Variants in MAP1B observed in about 807,000 individuals in gnomAD.
MAP1B encodes microtubule-associated protein 1B.
Under a neutral mutation model 176.1 loss-of-function variants are expected in MAP1B, and 12 were observed. The observed-to-expected ratio is 0.07, with a 90% CI of 0.04 to 0.11. The LOEUF (loss-of-function observed/expected upper bound fraction) is 0.11, where lower values mean the gene tolerates loss of function less well. Ranked by LOEUF, MAP1B falls within the 10% of genes least tolerant of loss-of-function variation. The probability of loss-of-function intolerance (pLI) is 1.00; values close to 1 mark genes in which losing one functional copy is unlikely to be tolerated. For missense variants in MAP1B, 2,523 were observed against 2,990.5 expected, an observed-to-expected ratio of 0.84 and a Z score of 3.65; for synonymous variants, 1,044 against 1,135.0, an observed-to-expected ratio of 0.92 and a Z score of 1.61.
At chr5:72,179,678 G>A in intron 2 of MAP1B, 1 of 985,434 alleles carries the variant, frequency 1.0e-6, no homozygotes, top group Non-Finnish European at 1.2e-6. Context: ...GAAAGAATCT[G>A]GCCAACAGTC....
At chr5:72,166,502 C>A (rs1211657669) in intron 2 of MAP1B, among the ~76,000 whole-genome samples, 1 of 152,188 alleles carries the variant, frequency 6.6e-6, no homozygotes, top group Non-Finnish European at 1.5e-5. Context: ...CAGCAGTGTT[C>A]ACTCCCTAGA....
rs1207835109 is a variant in MAP1B at position 72,107,512 on chromosome 5, G to T, written c.-20G>T. On this transcript the variant is annotated 5_prime_UTR_variant, in exon 1 of 7. Coordinates refer to ENST00000296755, the MANE Select transcript of MAP1B (RefSeq NM_005909.5). ...AGCGGCCGGAGCGAGACACTTCGCC[G>T]AGGCACAGCAGCCGGCAGGATGGCG... 28 of 1,541,750 alleles carry T rather than the reference G, an allele frequency of 1.8e-5. No individual in the cohort carries two copies. Among genetic ancestry groups the T allele is most frequent in the Non-Finnish European group, 2.4e-5 (28 of 1,146,724 alleles).
chr5:72,186,518 A>T lies in MAP1B; in HGVS notation c.370-96A>T. The T allele has an allele frequency of 6.9e-7, 1 of 1,453,126 alleles. No homozygotes were observed. The highest frequency in any genetic ancestry group is 2.3e-5 in the East Asian group (1 of 43,686). The allele number at this position is 1,453,126 out of a possible 1,614,324, so 90.0% of individuals were successfully genotyped here. A position where few individuals can be genotyped will look rare whatever the true frequency, so the allele number is the denominator to read the frequency against. ...TGGGGAATGAATGCTTTTTGCTGGT[A>T]ATAAACTCCCATGGCTCCGAAGGCT... On this transcript the variant is annotated intron_variant, in intron 3 of 6. Transcript: ENST00000296755. This position sits in a 1 kb window ranked among gnomAD's most constrained non-coding sequence, Gnocchi z 4.3.
chr5:72,120,773 C>G, intron 2 of MAP1B, among the ~76,000 whole-genome samples: 1 of 152,148 alleles, frequency 6.6e-6, no homozygotes, highest in Non-Finnish European at 1.5e-5. Context: ...GTGTGTAAAG[C>G]TCTTAAGACA....
At position 72,196,586 on chromosome 5, in the gene MAP1B, T is replaced by C. The variant is rs1747175971; in HGVS notation, c.3231T>C (p.Pro1077=). The C allele has an allele frequency of 6.2e-7, 1 of 1,613,788 alleles. No homozygotes were observed. Among genetic ancestry groups the C allele is most frequent in the African/African-American group, 1.3e-5 (1 of 74,934 alleles). ...CCAAGCAACTAGGAGCCCAGTCTCCTGGCCGAGAACCTGCATCTTCAATTC... is the reference window on the plus strand; with the variant it reads ...CCAAGCAACTAGGAGCCCAGTCTCCCGGCCGAGAACCTGCATCTTCAATTC... ...TPTKQLGAQS[P]GREPASSIHD... Residue 1077 remains proline (P), a synonymous_variant, in exon 5 of 7, where the codon CCT becomes CCC. Coordinates refer to ENST00000296755, the MANE Select transcript of MAP1B (RefSeq NM_005909.5). The surrounding 1 kb of genome is among the most constrained non-coding windows in gnomAD (Gnocchi z 5.3).
intron 2 of MAP1B, chr5:72,179,813 A>G (rs1746729598): frequency 3.0e-6 from 3 of 985,500 alleles, no homozygotes; most frequent in Non-Finnish European, 3.6e-6. Flanking sequence ...CGTCTGTGCC[A>G]TTCCTCTCAA....
intron 2 of MAP1B, among the ~76,000 whole-genome samples, chr5:72,161,956 CAAAAAAA>C (rs4043357): frequency 4.2e-4 from 36 of 85,000 alleles, no homozygotes; most frequent in Admixed American, 2.2e-3. Flanking sequence ...AATTCCGTCT[CAAAAAAA>C]AAAAAAAAAA....
chr5:72,138,804 G>A (rs1013326462), intron 2 of MAP1B, among the ~76,000 whole-genome samples: 2 of 152,126 alleles, frequency 1.3e-5, no homozygotes, highest in Admixed American at 6.5e-5. Flanking sequence ...AATAATTTTT[G>A]TCTTTTCCTT....
chr5:72,170,503 GT>G (rs1395178138), intron 2 of MAP1B, among the ~76,000 whole-genome samples: 1 of 152,074 alleles, frequency 6.6e-6, no homozygotes, highest in Non-Finnish European at 1.5e-5. Flanking sequence ...GTGGTGAAAG[GT>G]TTAGTTGGAG....
intron 2 of MAP1B, among the ~76,000 whole-genome samples, chr5:72,139,542 C>T (rs1055342112): frequency 6.6e-6 from 1 of 152,140 alleles, no homozygotes; most frequent in Non-Finnish European, 1.5e-5. Flanking sequence ...CAGATTGAGG[C>T]TCCTTTTGGG....
chr5:72,110,027 C>T (rs1445813054), intron 1 of MAP1B, among the ~76,000 whole-genome samples: 1 of 152,192 alleles, frequency 6.6e-6, no homozygotes, highest in African/African-American at 2.4e-5. Context: ...TTTTACACTA[C>T]TAGCACTTAG....
At chr5:72,146,222 A>G (rs1247011714) in intron 2 of MAP1B, among the ~76,000 whole-genome samples, 3 of 152,344 alleles carry the variant, frequency 2.0e-5, no homozygotes, top group East Asian at 1.9e-4. Context: ...AATCTGAACA[A>G]TGCCCCAGGG....
At chr5:72,127,370 C>T (rs1163988380) in intron 2 of MAP1B, among the ~76,000 whole-genome samples, 1 of 152,096 alleles carries the variant, frequency 6.6e-6, no homozygotes, top group East Asian at 1.9e-4. Context: ...CATGATTATC[C>T]AGAAGGAAAA....
chr5:72,195,033 G>C lies in MAP1B; in HGVS notation c.1678G>C (p.Glu560Gln). Residue 560 changes from glutamate (E) to glutamine (Q), a missense_variant, in exon 5 of 7, where the codon GAG (glutamate) becomes CAG (glutamine). Transcript: ENST00000296755. ...ACTTCCTAGCAAATCCGTGCGCAAG[G>C]AGTCAAAAGAAGAAACCCCTGAGGT... Reference protein sequence around the residue: ...KPLPSKSVRKESKEETPEVTK... With the variant: ...KPLPSKSVRKQSKEETPEVTK... 2 of 1,614,072 alleles carry C rather than the reference G, an allele frequency of 1.2e-6. No individual in the cohort carries two copies. The highest frequency in any genetic ancestry group is 1.1e-5 in the South Asian group (1 of 91,070).
At chr5:72,121,720 C>CT (rs1367810034) in intron 2 of MAP1B, among the ~76,000 whole-genome samples, 1 of 152,192 alleles carries the variant, frequency 6.6e-6, no homozygotes, top group East Asian at 1.9e-4. Flanking sequence ...TTTAAGCCAT[C>CT]TTTCTCTGTC....
intron 2 of MAP1B, among the ~76,000 whole-genome samples, chr5:72,157,534 A>T (rs562687593): frequency 5.9e-5 from 9 of 152,332 alleles, no homozygotes; most frequent in Admixed American, 5.2e-4. Flanking sequence ...ACAGGGAGCC[A>T]TGGGCTTCCC....
intron 2 of MAP1B, among the ~76,000 whole-genome samples, chr5:72,148,605 C>T (rs1030713603): frequency 1.3e-5 from 2 of 152,230 alleles, no homozygotes; most frequent in African/African-American, 4.8e-5. Flanking sequence ...GATGATTCTT[C>T]TGTTCATCAG....
At chr5:72,140,398 G>A (rs902440310) in intron 2 of MAP1B, among the ~76,000 whole-genome samples, 3 of 152,160 alleles carry the variant, frequency 2.0e-5, no homozygotes, top group African/African-American at 7.2e-5. Flanking sequence ...TTTCTAGTCT[G>A]TTTTATTCTA....
chr5:72,146,353 G>A (rs1049511686), intron 2 of MAP1B, among the ~76,000 whole-genome samples: 1 of 152,218 alleles, frequency 6.6e-6, no homozygotes, highest in Non-Finnish European at 1.5e-5. Context: ...CATGTCCTAT[G>A]GAGGAGGCCT....
Sources: gnomAD v4.1 joint callset for allele counts (sites outside exome capture counted in the v4.1 genomes callset) on GRCh38, gnomAD v4.1.1 for gene constraint, Gnocchi (gnomAD v3.1) non-coding constraint, MANE v1.5 for transcripts, NCBI Gene and HGNC (gene_info 2026-07-23, HGNC 2026-07-21) for gene names.